BATF3: variants seen among roughly 807,000 people sequenced by gnomAD.
BATF3 encodes basic leucine zipper ATF-like transcription factor 3, also known as basic leucine zipper transcriptional factor ATF-like 3.
BATF3 carries 8 observed loss-of-function variants against 16.1 expected under a neutral mutation model. The observed-to-expected ratio is 0.50, with a 90% confidence interval of 0.29 to 0.90. BATF3 has a LOEUF of 0.90. Ranked by LOEUF, BATF3 falls within the 40% of genes least tolerant of loss-of-function variation. The pLI is 0.08. For synonymous variants in BATF3, 74 were observed against 72.7 expected, an observed-to-expected ratio of 1.02 and a Z score of -0.09; for missense variants, 139 against 167.0, an observed-to-expected ratio of 0.83 and a Z score of 0.92.
chr1:212,699,797 CG>C lies in BATF3; in HGVS notation c.-36del. The C allele has an allele frequency of 8.6e-7, 1 of 1,158,928 alleles. No individual in the cohort carries two copies. Among genetic ancestry groups the C allele is most frequent in the Non-Finnish European group, 1.1e-6 (1 of 939,764 alleles). 71.8% of individuals were successfully genotyped at this position (1,158,928 alleles called of 1,614,324 possible). On this transcript the variant is annotated 5_prime_UTR_variant, in exon 1 of 3. Transcript: ENST00000243440. This position sits in a 1 kb window ranked among gnomAD's most constrained non-coding sequence, Gnocchi z 4.4. ...TCCTCTGGCCCGGCCCGCCCCGCCC[CG>C]CCCGCGCGCCCTGCCCGTGGGGCTG... is the stretch of plus-strand genomic sequence containing the variant.
At chr1:212,692,628 G>A (rs1430031670) in intron 2 of BATF3, among the ~76,000 whole-genome samples, 1 of 152,114 alleles carries the variant, frequency 6.6e-6, no homozygotes, top group Non-Finnish European at 1.5e-5. Context: ...AGTGGAGATG[G>A]GGTTTCGCCA....
At chr1:212,688,464 G>A (rs778016944) in intron 2 of BATF3, among the ~76,000 whole-genome samples, 1 of 152,234 alleles carries the variant, frequency 6.6e-6, no homozygotes, top group South Asian at 2.1e-4. Flanking sequence ...CTGCTTCTCC[G>A]TCCGTCCTTG....
At position 212,689,385 on chromosome 1, in the gene BATF3, G is replaced by A. The variant is rs1297433623; in HGVS notation, c.196-2406C>T. Among the ~76,000 whole-genome samples the A allele has an allele frequency of 6.6e-6, 1 of 152,150 alleles. No homozygotes were observed. Among genetic ancestry groups the A allele is most frequent in the Non-Finnish European group, 1.5e-5 (1 of 68,012 alleles). ...TAGGGTCTATCTGAGCCATTCCCCA[G>A]GCAGGTTCCCAGGGTGGTCTGGAGC... On this transcript the variant is annotated intron_variant, in intron 2 of 2. Transcript: ENST00000243440. This position sits in a 1 kb window ranked among gnomAD's most constrained non-coding sequence, Gnocchi z 4.6.
intron 2 of BATF3, among the ~76,000 whole-genome samples, chr1:212,696,390 C>G (rs768740044): frequency 1.3e-5 from 2 of 151,642 alleles, no homozygotes; most frequent in Non-Finnish European, 2.9e-5. Context: ...AGTGCCAGGG[C>G]ACTGATGGCT....
Position 212,699,530 on chromosome 1 carries a change from CT to C in BATF3, c.90+142del, listed in dbSNP as rs1657217736. The C allele has an allele frequency of 3.7e-6, 2 of 541,480 alleles. No individual in the cohort carries two copies. The highest frequency in any genetic ancestry group is 5.5e-6 in the Non-Finnish European group (2 of 362,086). The allele number at this position is 541,480 out of a possible 1,614,324, so 33.5% of individuals were successfully genotyped here. On this transcript the variant is annotated intron_variant, in intron 1 of 2. Coordinates refer to ENST00000243440, the MANE Select transcript of BATF3 (RefSeq NM_018664.3). This position sits in a 1 kb window ranked among gnomAD's most constrained non-coding sequence, Gnocchi z 4.4. ...CCCATTCCCCAACATCCCTACGCCC[CT>C]ACCTCTGCTTGTCTCCGGCCGCACC...
rs1257901907 is a variant in BATF3, at chr1:212,699,258, C to CCCA, written c.90+414_90+415insTGG. Among the ~76,000 whole-genome samples, 1 of 152,068 alleles carries CCCA rather than the reference C, an allele frequency of 6.6e-6. No individual in the cohort carries two copies. The highest frequency in any genetic ancestry group is 1.5e-5 in the Non-Finnish European group (1 of 67,956). On this transcript the variant is annotated intron_variant, in intron 1 of 2. Coordinates refer to ENST00000243440, the MANE Select transcript of BATF3 (RefSeq NM_018664.3). This position sits in a 1 kb window ranked among gnomAD's most constrained non-coding sequence, Gnocchi z 4.4. The stretch of plus-strand genomic sequence containing the variant: ...GCGTTCTCCATTCCCGCGGCAGCAC[C>CCCA]CCCCCCACCCGGGGGAATCCTGGAG...
chr1:212,688,687 A>G (rs1656922467), intron 2 of BATF3, among the ~76,000 whole-genome samples: 1 of 152,252 alleles, frequency 6.6e-6, no homozygotes, highest in Non-Finnish European at 1.5e-5. Flanking sequence ...AGTCATTAAT[A>G]AGTTCTACAA....
Position 212,688,614 on chromosome 1 carries a change from T to C in BATF3, c.196-1635A>G, listed in dbSNP as rs56059979. On this transcript the variant is annotated intron_variant, in intron 2 of 2. Transcript: ENST00000243440. ...CTCAATTGCATCGTCTCATGAATGG[T>C]GACAGCACACAGCTTTAAGCCATCC... is the stretch of plus-strand genomic sequence containing the variant. Among the ~76,000 whole-genome samples, 1,270 of 152,318 alleles carry C rather than the reference T, an allele frequency of 8.3e-3. 21 individuals carry two copies. The highest frequency in any genetic ancestry group is 0.029 in the African/African-American group (1,208 of 41,560).
At chr1:212,693,655 A>G (rs146925734) in intron 2 of BATF3, among the ~76,000 whole-genome samples, 181 of 152,274 alleles carry the variant, frequency 1.2e-3, no homozygotes, top group Middle Eastern at 3.4e-3. Flanking sequence ...CAGGGACCCT[A>G]CAGAAGAGGT....
chr1:212,694,476 G>T (rs1657079790), intron 2 of BATF3, among the ~76,000 whole-genome samples: 2 of 152,068 alleles, frequency 1.3e-5, no homozygotes, highest in African/African-American at 2.4e-5. Context: ...ACTCGACTGT[G>T]CTCCATGAAA....
Position 212,699,131 on chromosome 1 carries a change from C to A in BATF3, c.90+542G>T, listed in dbSNP as rs774835002. On this transcript the variant is annotated intron_variant, in intron 1 of 2. Coordinates refer to ENST00000243440, the MANE Select transcript of BATF3 (RefSeq NM_018664.3). The surrounding 1 kb of genome is among the most constrained non-coding windows in gnomAD (Gnocchi z 4.4). ...TCCTTCCTGACTGCGCCGCTGTAAA[C>A]GTTGCTAGGGGACAGCGAACTGGGA... Among the ~76,000 whole-genome samples, 1 of 152,262 alleles carries A rather than the reference C, an allele frequency of 6.6e-6. No individual in the cohort carries two copies. The highest frequency in any genetic ancestry group is 2.4e-5 in the African/African-American group (1 of 41,474).
chr1:212,697,244 G>A (rs1657154858), intron 1 of BATF3, 179 bp from the exon 2 acceptor site: 2 of 584,712 alleles, frequency 3.4e-6, no homozygotes, highest in Non-Finnish European at 6.1e-6. Flanking sequence ...CTCACCATGT[G>A]AGTGTGTGAA....
chr1:212,690,849 C>A (rs1656983621), intron 2 of BATF3, among the ~76,000 whole-genome samples: 1 of 152,226 alleles, frequency 6.6e-6, no homozygotes, highest in Admixed American at 6.5e-5. Context: ...GATCCCAGCT[C>A]TGCCTCAGAA....
intron 2 of BATF3, 35 bp from the exon 3 acceptor site, chr1:212,687,014 T>C (rs776152142): frequency 5.1e-6 from 7 of 1,383,182 alleles, no homozygotes; most frequent in Middle Eastern, 1.8e-4. Context: ...TCATTTCTGG[T>C]GCAGCGTTCC....
intron 2 of BATF3, among the ~76,000 whole-genome samples, chr1:212,692,139 G>A (rs765375354): frequency 3.9e-5 from 6 of 152,176 alleles, no homozygotes; most frequent in Non-Finnish European, 7.3e-5. Flanking sequence ...CAGAGGGCTC[G>A]CCTTGACGGA....
chr1:212,696,585 C>T lies in BATF3; in HGVS notation c.195+376G>A, dbSNP rs573617323. ...TAACCAGGAACCAGGGACACAGAGA[C>T]AACAGGTGTAACTACTCTTTTTTAA... On this transcript the variant is annotated intron_variant, in intron 2 of 2. Transcript: ENST00000243440. Among the ~76,000 whole-genome samples the T allele has an allele frequency of 5.6e-5, 8 of 142,624 alleles. No homozygotes were observed. The South Asian group carries it at 1.6e-3, about 28-fold the overall frequency. 93.6% of individuals were successfully genotyped at this position (142,624 alleles called of 152,430 possible). A position where few individuals can be genotyped will look rare whatever the true frequency, so the allele number is the denominator to read the frequency against.
chr1:212,697,333 G>A (rs1366923415), intron 1 of BATF3: 1 of 317,270 alleles, frequency 3.2e-6, no homozygotes, highest in African/African-American at 2.1e-5. Context: ...AGGTATTACA[G>A]CCACTAAGTG....
intron 1 of BATF3, 187 bp from the exon 2 acceptor site, chr1:212,697,252 G>A: frequency 3.5e-6 from 2 of 566,808 alleles, no homozygotes; most frequent in East Asian, 3.0e-5. Context: ...GTGAGTGTGT[G>A]AAGTGTGTGG....
intron 2 of BATF3, among the ~76,000 whole-genome samples, chr1:212,694,289 T>C (rs1292598599): frequency 6.6e-6 from 1 of 152,218 alleles, no homozygotes; most frequent in African/African-American, 2.4e-5. Context: ...AGCTGGAAGA[T>C]AGTAAATTTG....
Sources: allele counts gnomAD v4.1 joint callset (sites outside exome capture counted in the v4.1 genomes callset), GRCh38; gene constraint gnomAD v4.1.1; non-coding constraint Gnocchi (gnomAD v3.1); transcripts MANE v1.5; gene names NCBI Gene and HGNC (gene_info 2026-07-23, HGNC 2026-07-21).